ARHGEF12: variants seen among roughly 807,000 people sequenced by gnomAD.
ARHGEF12 encodes the protein KMT2A/ARHGEF12 fusion protein.
In ARHGEF12, 66 loss-of-function variants were observed where a neutral mutation model predicts 211.2. The ratio of observed to expected loss-of-function variants is 0.31; its 90% CI spans 0.26 to 0.38. The LOEUF is 0.38. Among genes scored for constraint, ARHGEF12 ranks in the 10% least tolerant of loss-of-function variants. The pLI, the probability that ARHGEF12 is intolerant of heterozygous loss-of-function variation, is 1.00. For missense variants in ARHGEF12, 1,429 were observed against 1,869.5 expected, an observed-to-expected ratio of 0.76 and a Z score of 4.34; for synonymous variants, 592 against 638.4, an observed-to-expected ratio of 0.93 and a Z score of 1.09.
intron 1 of ARHGEF12, among the ~76,000 whole-genome samples, chr11:120,376,631 T>C (rs1482318856): frequency 5.9e-5 from 9 of 152,200 alleles, no homozygotes; most frequent in African/African-American, 2.2e-4. Flanking sequence ...CTCAAGCATT[T>C]ATTCTTTCTT....
rs866381266 is a variant in ARHGEF12 at position 120,484,860 on chromosome 11, G to A, written c.4625-207G>A. 1.8e-4 allele frequency among the ~76,000 whole-genome samples: 27 copies of A among 152,266 alleles called. 1 individual carries two copies. In the Middle Eastern group the frequency reaches 0.02, roughly 115 times the overall value. ...GGAGGATTTGGCCTTATTGGATGTTGGTGCACTTGCCTCTGCTGACAGTGT... is the reference window on the plus strand; with the variant it reads ...GGAGGATTTGGCCTTATTGGATGTTAGTGCACTTGCCTCTGCTGACAGTGT... On this transcript the variant is annotated intron_variant, in intron 40 of 40. Coordinates refer to ENST00000397843, the MANE Select transcript of ARHGEF12 (RefSeq NM_015313.3).
At chr11:120,428,958 T>G (rs1455441158) in intron 8 of ARHGEF12, among the ~76,000 whole-genome samples, 1 of 152,208 alleles carries the variant, frequency 6.6e-6, no homozygotes, top group Non-Finnish European at 1.5e-5. Context: ...TCAATGTTGT[T>G]TCTTTTTAAG....
At chr11:120,438,246 TTGTC>T (rs1206559604) in intron 12 of ARHGEF12, among the ~76,000 whole-genome samples, 113 of 152,328 alleles carry the variant, frequency 7.4e-4, no homozygotes, top group East Asian at 2.9e-3. Context: ...AAAATCAAAA[TTGTC>T]TGACTACTGC....
intron 27 of ARHGEF12, chr11:120,462,777 T>C (rs567050415): frequency 5.9e-5 from 9 of 152,372 alleles, no homozygotes; most frequent in Non-Finnish European, 1.2e-4. Context: ...CAGTATTGTT[T>C]CCTTAAGATC....
Position 120,475,524 on chromosome 11 carries a change from A to G in ARHGEF12, c.3277+17A>G. The G allele has an allele frequency of 1.9e-6, 3 of 1,609,962 alleles. No individual in the cohort carries two copies. In the South Asian group the frequency reaches 3.3e-5, roughly 18 times the overall value. ...TGGCAACAGGCAAGTATGTCCACTGAAGGATACTAATTTCCAGATTCATTG... is the reference window on the plus strand; with the variant it reads ...TGGCAACAGGCAAGTATGTCCACTGGAGGATACTAATTTCCAGATTCATTG... On this transcript the variant is annotated intron_variant, in intron 33 of 40. Coordinates refer to ENST00000397843, the MANE Select transcript of ARHGEF12 (RefSeq NM_015313.3).
At chr11:120,448,968 GCT>G in intron 20 of ARHGEF12, 139 bp from the exon 21 acceptor site, 1 of 650,786 alleles carries the variant, frequency 1.5e-6, no homozygotes, top group Non-Finnish European at 2.6e-6. Context: ...TTTAATTAGT[GCT>G]CTGTGTGCAT....
intron 39 of ARHGEF12, among the ~76,000 whole-genome samples, chr11:120,484,095 C>T: frequency 6.6e-6 from 1 of 152,302 alleles, no homozygotes; most frequent in African/African-American, 2.4e-5. Context: ...ATGCAGGCCG[C>T]CATGTCTTTA....
intron 1 of ARHGEF12, among the ~76,000 whole-genome samples, chr11:120,372,407 G>T (rs1472915223): frequency 6.6e-6 from 1 of 151,872 alleles, no homozygotes; most frequent in African/African-American, 2.4e-5. Flanking sequence ...TAATGCCTCT[G>T]GATTGTAGTT....
chr11:120,482,161 G>A (rs529036378), intron 39 of ARHGEF12, among the ~76,000 whole-genome samples: 12 of 152,304 alleles, frequency 7.9e-5, no homozygotes, highest in East Asian at 5.8e-4. Flanking sequence ...AAATGCTTCG[G>A]GTAGTTGGCT....
At chr11:120,458,632 G>T (rs1254774186) in intron 25 of ARHGEF12, 2 of 220,376 alleles carry the variant, frequency 9.1e-6, no homozygotes, top group African/African-American at 4.8e-5. Flanking sequence ...TTTCTGTATC[G>T]AAGTGCAGTG....
At chr11:120,347,144 C>T (rs1403451423) in intron 1 of ARHGEF12, among the ~76,000 whole-genome samples, 1 of 65,192 alleles carries the variant, frequency 1.5e-5, no homozygotes, top group African/African-American at 6.2e-5. Flanking sequence ...TCCTTCCTTC[C>T]TTCCTTCCTT....
chr11:120,387,725 A>G (rs1032246840), intron 1 of ARHGEF12, among the ~76,000 whole-genome samples: 2 of 152,150 alleles, frequency 1.3e-5, no homozygotes, highest in African/African-American at 4.8e-5. Context: ...AAAGCATTCC[A>G]TATAAGCAAA....
intron 39 of ARHGEF12, among the ~76,000 whole-genome samples, chr11:120,484,133 A>T (rs1176176025): frequency 6.6e-6 from 1 of 152,222 alleles, no homozygotes; most frequent in Non-Finnish European, 1.5e-5. Context: ...GCTCATGCAC[A>T]TGATGACGGG....
At chr11:120,454,926 A>G (rs1345261933) in intron 22 of ARHGEF12, among the ~76,000 whole-genome samples, 1 of 152,214 alleles carries the variant, frequency 6.6e-6, no homozygotes, top group Non-Finnish European at 1.5e-5. Context: ...CACTAAATCT[A>G]GCCCATACTC....
intron 40 of ARHGEF12, among the ~76,000 whole-genome samples, chr11:120,484,808 A>T (rs146665942): frequency 6.6e-6 from 1 of 152,292 alleles, no homozygotes; most frequent in African/African-American, 2.4e-5. Context: ...TGTGAGGCTT[A>T]CTGGTACTGC....
intron 30 of ARHGEF12, 83 bp from the exon 31 acceptor site, chr11:120,472,967 T>C: frequency 1.4e-6 from 2 of 1,388,206 alleles, no homozygotes; most frequent in Non-Finnish European, 2.0e-6. Context: ...AATGGAGATT[T>C]TAAATGCCAA....
intron 1 of ARHGEF12, among the ~76,000 whole-genome samples, chr11:120,349,632 C>G (rs1482636052): frequency 6.6e-6 from 1 of 152,106 alleles, no homozygotes; most frequent in African/African-American, 2.4e-5. Context: ...ATTTTTTCAT[C>G]TGTAAAAATG....
At chr11:120,379,484 A>T (rs1943819088) in intron 1 of ARHGEF12, among the ~76,000 whole-genome samples, 1 of 151,774 alleles carries the variant, frequency 6.6e-6, no homozygotes, top group Non-Finnish European at 1.5e-5. Context: ...TCTCAATCTT[A>T]TGGAAAGCAT....
Position 120,486,290 on chromosome 11 carries a change from G to C in ARHGEF12, c.*1213G>C, listed in dbSNP as rs1419441916. 4.3e-6 allele frequency: 1 copy of C among 233,242 alleles called. No individual in the cohort carries two copies. Among genetic ancestry groups the C allele is most frequent in the Non-Finnish European group, 8.5e-6 (1 of 117,852 alleles). 14.4% of individuals were successfully genotyped at this position (233,242 alleles called of 1,614,324 possible). A position where few individuals can be genotyped will look rare whatever the true frequency, so the allele number is the denominator to read the frequency against. ...GATAGCCAAGGGTGGAGTGGAAAAA[G>C]ATATGGTGAAGGCAGAACTGCTCAC... On this transcript the variant is annotated 3_prime_UTR_variant, in exon 41 of 41. Coordinates refer to ENST00000397843, the MANE Select transcript of ARHGEF12 (RefSeq NM_015313.3).
Sources: allele counts gnomAD v4.1 joint callset (sites outside exome capture counted in the v4.1 genomes callset), GRCh38; gene constraint gnomAD v4.1.1; transcripts MANE v1.5; gene names NCBI Gene and HGNC (gene_info 2026-07-23, HGNC 2026-07-21).